The following BCAS1 variants were observed in gnomAD, a reference collection of about 807,000 sequenced individuals.
BCAS1 encodes brain enriched myelin associated protein 1, also known as breast carcinoma-amplified sequence 1.
In BCAS1, 46 loss-of-function variants were observed where a neutral mutation model predicts 65.4. The ratio of observed to expected loss-of-function variants is 0.70; its 90% confidence interval spans 0.55 to 0.90. BCAS1 has a LOEUF of 0.90. Ranked by LOEUF, BCAS1 falls within the 40% of genes least tolerant of loss-of-function variation. The probability of loss-of-function intolerance (pLI) is 0.00; values close to 1 mark genes in which losing one functional copy is unlikely to be tolerated. For missense variants in BCAS1, 793 were observed against 771.2 expected (o/e 1.03, Z -0.33); for synonymous variants, 298 against 293.5 (o/e 1.02, Z -0.16).
chr20:53,950,419 G>C (rs1302871836), intron 12 of BCAS1, among the ~76,000 whole-genome samples: 1 of 142,638 alleles, frequency 7.0e-6, no homozygotes, highest in Admixed American at 7.3e-5. Flanking sequence ...GGGATCCACC[G>C]ATTAAAAGTA....
Position 54,023,866 on chromosome 20 carries a change from A to G in BCAS1, c.723+4526T>C, listed in dbSNP as rs149965648. Among the ~76,000 whole-genome samples, 11 of 152,358 alleles carry G rather than the reference A, an allele frequency of 7.2e-5. No homozygotes were observed. In the East Asian group the frequency reaches 1.9e-3, roughly 27 times the overall value. On this transcript the variant is annotated intron_variant, in intron 4 of 12. Coordinates refer to ENST00000688948, the MANE Select transcript of BCAS1 (RefSeq NM_001366298.2). Reference sequence around the variant, plus strand: ...CCTTTGGTTATACAACTCTTAAATTAGAGTCAACTGTGCTATCTCTGTGAG... The same window carrying G: ...CCTTTGGTTATACAACTCTTAAATTGGAGTCAACTGTGCTATCTCTGTGAG...
intron 10 of BCAS1, among the ~76,000 whole-genome samples, chr20:53,964,131 T>C (rs1000677404): frequency 6.8e-6 from 1 of 147,560 alleles, no homozygotes; most frequent in Non-Finnish European, 1.5e-5. Context: ...ACATACCACA[T>C]GTCCATCCAT....
At chr20:53,959,150 G>A (rs537544282) in intron 10 of BCAS1, among the ~76,000 whole-genome samples, 43 of 152,150 alleles carry the variant, frequency 2.8e-4, no homozygotes, top group African/African-American at 8.9e-4. Context: ...GGAGTACAGC[G>A]GCACAATCAT....
intron 4 of BCAS1, among the ~76,000 whole-genome samples, chr20:54,020,049 A>T (rs1164530306): frequency 6.6e-6 from 1 of 152,232 alleles, no homozygotes. Context: ...GAGAACCCTG[A>T]CTAATACAAC....
Position 53,966,887 on chromosome 20 carries a change from C to G in BCAS1, c.1485+19G>C, listed in dbSNP as rs754679012. ...CTCTAGGTATCTTAGGTTTCCTATA[C>G]TGGAAGTAAGGGGCTTACCATTTGT... On this transcript the variant is annotated intron_variant, in intron 10 of 12. Coordinates refer to ENST00000688948, the MANE Select transcript of BCAS1 (RefSeq NM_001366298.2). 43 of 1,589,310 alleles carry G rather than the reference C, an allele frequency of 2.7e-5. No individual in the cohort carries two copies. In the Admixed American group the frequency reaches 6.7e-4, roughly 25 times the overall value.
At chr20:53,989,119 T>G (rs56358601) in intron 7 of BCAS1, among the ~76,000 whole-genome samples, 12,162 of 152,156 alleles carry the variant, frequency 0.08, 1,589 homozygotes, top group African/African-American at 0.28. Context: ...ATAAAGAATA[T>G]TTGTTACATT....
chr20:54,029,085 T>G (rs1226288480), intron 3 of BCAS1, 113 bp from the exon 4 acceptor site: 1 of 1,450,570 alleles, frequency 6.9e-7, no homozygotes, highest in Non-Finnish European at 9.0e-7. Context: ...TGGAACTGTG[T>G]TGTTCTCTGG....
chr20:53,987,575 A>G (rs2090645662), intron 7 of BCAS1, among the ~76,000 whole-genome samples: 1 of 152,212 alleles, frequency 6.6e-6, no homozygotes, highest in African/African-American at 2.4e-5. Context: ...ATCCACTTTG[A>G]GTGTCCTCTA....
chr20:54,013,630 A>C (rs1428944047), intron 4 of BCAS1, among the ~76,000 whole-genome samples: 3 of 152,360 alleles, frequency 2.0e-5, no homozygotes, highest in East Asian at 1.9e-4. Flanking sequence ...GTGAAATAAC[A>C]AATGTACAAG....
At chr20:53,992,470 C>A in intron 7 of BCAS1, 42 bp downstream of exon 7, 1 of 1,360,502 alleles carries the variant, frequency 7.4e-7, no homozygotes, top group South Asian at 1.1e-5. Context: ...CTTGTGAAGA[C>A]CAGAGTTCTT....
intron 5 of BCAS1, 76 bp from the exon 6 acceptor site, chr20:53,995,132 C>T: frequency 3.0e-6 from 4 of 1,322,786 alleles, no homozygotes; most frequent in Non-Finnish European, 4.3e-6. Context: ...ATAAATAACT[C>T]TTTAGGGTGG....
intron 4 of BCAS1, among the ~76,000 whole-genome samples, chr20:54,025,688 A>G (rs2091656947): frequency 6.6e-6 from 1 of 152,174 alleles, no homozygotes; most frequent in Non-Finnish European, 1.5e-5. Context: ...GATGCGGCTG[A>G]GCCCAAGGCA....
intron 4 of BCAS1, among the ~76,000 whole-genome samples, chr20:54,025,077 T>C (rs528123313): frequency 3.3e-5 from 5 of 152,308 alleles, no homozygotes; most frequent in South Asian, 2.1e-4. Context: ...AAAGTAACGA[T>C]TGCAGGATTT....
intron 7 of BCAS1, among the ~76,000 whole-genome samples, chr20:53,986,285 C>A (rs1459535987): frequency 6.6e-6 from 1 of 152,126 alleles, no homozygotes; most frequent in Non-Finnish European, 1.5e-5. Flanking sequence ...TCTCTCTGAG[C>A]AGCTGCACTG....
Position 53,953,595 on chromosome 20 carries a change from G to A in BCAS1, c.1652C>T (p.Ala551Val). ...KEGSSKDKKS[A>V]AEMNKQKSNK... ...GCTCTTCTGCTTGTTCATCTCGGCT[G>A]CTGACTTCTTGTCCTTCGAGGAGCC... Residue 551 changes from alanine (A) to valine (V), a missense_variant, in exon 12 of 13, where the codon GCA becomes GTA. Physicochemically the swap from Ala to Val is moderately conservative, Grantham distance 64. Transcript: ENST00000688948. The A allele has an allele frequency of 6.2e-7, 1 of 1,613,856 alleles. No individual in the cohort carries two copies. The highest frequency in any genetic ancestry group is 8.5e-7 in the Non-Finnish European group (1 of 1,179,982).
intron 4 of BCAS1, among the ~76,000 whole-genome samples, chr20:54,013,988 T>C (rs1485579495): frequency 6.6e-6 from 1 of 152,216 alleles, no homozygotes; most frequent in African/African-American, 2.4e-5. Flanking sequence ...ACAGAGTGAA[T>C]ATGTTACGTA....
intron 4 of BCAS1, among the ~76,000 whole-genome samples, chr20:54,020,406 T>C (rs1419433642): frequency 1.3e-5 from 2 of 152,212 alleles, no homozygotes; most frequent in Non-Finnish European, 2.9e-5. Flanking sequence ...AAATACCAAG[T>C]AGATAGTACA....
intron 8 of BCAS1, among the ~76,000 whole-genome samples, chr20:53,983,854 T>C (rs2090545775): frequency 6.6e-6 from 1 of 152,194 alleles, no homozygotes; most frequent in Non-Finnish European, 1.5e-5. Flanking sequence ...GAACTCTCTG[T>C]AGTCTGAAGG....
chr20:54,022,029 T>C (rs2091570598), intron 4 of BCAS1, among the ~76,000 whole-genome samples: 1 of 152,186 alleles, frequency 6.6e-6, no homozygotes, highest in Non-Finnish European at 1.5e-5. Context: ...CACAAACCTT[T>C]AATGTGTAAA....
Sources: gnomAD v4.1 joint callset for allele counts (sites outside exome capture counted in the v4.1 genomes callset) on GRCh38, gnomAD v4.1.1 for gene constraint, MANE v1.5 for transcripts, NCBI Gene and HGNC (gene_info 2026-07-23, HGNC 2026-07-21) for gene names.